Variants in VPS13D observed in about 807,000 individuals in gnomAD.
VPS13D encodes vacuolar protein sorting 13 homolog D, also known as intermembrane lipid transfer protein VPS13D.
VPS13D carries 187 observed loss-of-function variants against 461.9 expected under a neutral mutation model. That is an observed-to-expected ratio of 0.40 (90% confidence interval 0.36 to 0.46). The LOEUF (loss-of-function observed/expected upper bound fraction) is 0.46, where lower values mean the gene tolerates loss of function less well. VPS13D is among the 20% of genes least tolerant of loss of function. VPS13D has a pLI of 0.60. For missense variants in VPS13D, 4,711 were observed against 5,364.9 expected, an observed-to-expected ratio of 0.88 and a Z score of 3.81; for synonymous variants, 1,951 against 1,986.3, an observed-to-expected ratio of 0.98 and a Z score of 0.47.
At chr1:12,389,681 C>T (rs757847735) in intron 60 of VPS13D, among the ~76,000 whole-genome samples, 4 of 152,130 alleles carry the variant, frequency 2.6e-5, no homozygotes, top group African/African-American at 4.8e-5. Flanking sequence ...TGATGATTAC[C>T]CTTTCTACTA....
At chr1:12,376,562 C>T (rs562225878) in intron 55 of VPS13D, among the ~76,000 whole-genome samples, 2 of 152,296 alleles carry the variant, frequency 1.3e-5, no homozygotes, top group African/African-American at 2.4e-5. Flanking sequence ...GATCAGGAAA[C>T]GGAGGCTCTA....
chr1:12,314,219 C>T lies in VPS13D; in HGVS notation c.7040C>T (p.Ala2347Val), dbSNP rs1194116615. 6.2e-7 allele frequency: 1 copy of T among 1,614,154 alleles called. No individual in the cohort carries two copies. The highest frequency in any genetic ancestry group is 1.7e-5 in the Admixed American group (1 of 60,018). ...HSMMAFDTRY[A>V]GQKTSPGMTN... is the part of the protein sequence containing the mutation. ...ATGATGGCTTTTGACACCCGTTATG[C>T]TGGGCAGAAGACCAGCCCTGGCATG... Residue 2347 changes from alanine to valine, a missense_variant, in exon 30 of 70, where the codon GCT becomes GTT. Ala to Val is a moderately conservative substitution (Grantham distance 64). This residue lies in a region of VPS13D where 4,411 missense variants were observed against 4,937.8 expected (regional missense o/e 0.89). Transcript: ENST00000620676.
chr1:12,348,844 C>T lies in VPS13D; in HGVS notation c.9091C>T (p.Arg3031Trp), dbSNP rs563361768. 1.9e-6 allele frequency: 3 copies of T among 1,614,130 alleles called. No individual in the cohort carries two copies. Among genetic ancestry groups the T allele is most frequent in the African/African-American group, 1.3e-5 (1 of 75,020 alleles). The change falls in exon 45 of 70, where the codon CGG (arginine) becomes TGG (tryptophan). Residue 3031 changes from arginine to tryptophan, a missense_variant. Physicochemically the swap from Arg to Trp is moderately radical, Grantham distance 101. Transcript: ENST00000620676. ...QVYFSSLPPV[R>W]VVFAVTMEGS... ...ACAGTTCTCTTCACTCCCACCAGTGCGGGTGGTCTTTGCAGTGACTATGGA... is the reference window on the plus strand; with the variant it reads ...ACAGTTCTCTTCACTCCCACCAGTGTGGGTGGTCTTTGCAGTGACTATGGA...
chr1:12,504,415 G>C (rs1279764188), intron 68 of VPS13D, among the ~76,000 whole-genome samples: 1 of 152,218 alleles, frequency 6.6e-6, no homozygotes, highest in Non-Finnish European at 1.5e-5. Flanking sequence ...GTTATTATCA[G>C]TAGCAGCTTC....
intron 67 of VPS13D, among the ~76,000 whole-genome samples, chr1:12,471,319 G>A (rs540772888): frequency 6.6e-6 from 1 of 152,210 alleles, no homozygotes; most frequent in African/African-American, 2.4e-5. Context: ...AAGAAGAACA[G>A]TGTTTAAAAA....
intron 52 of VPS13D, among the ~76,000 whole-genome samples, chr1:12,364,229 C>T (rs1414732158): frequency 6.6e-6 from 1 of 152,050 alleles, no homozygotes; most frequent in East Asian, 1.9e-4. Flanking sequence ...ATTCCCATTC[C>T]CCTTAGTCCC....
intron 60 of VPS13D, among the ~76,000 whole-genome samples, chr1:12,392,200 T>A (rs1644435830): frequency 6.6e-6 from 1 of 152,100 alleles, no homozygotes; most frequent in South Asian, 2.1e-4. Flanking sequence ...ATGACTATAT[T>A]AAGATCCTTG....
intron 65 of VPS13D, among the ~76,000 whole-genome samples, chr1:12,440,045 T>C (rs1405420337): frequency 6.6e-6 from 1 of 152,268 alleles, no homozygotes; most frequent in Admixed American, 6.5e-5. Context: ...AAGGGAATAC[T>C]GCATTAGAAT....
chr1:12,356,421 G>A lies in VPS13D; in HGVS notation c.9895G>A (p.Asp3299Asn). The change falls in exon 49 of 70, where the codon GAC (aspartate) becomes AAC (asparagine). Residue 3299 changes from aspartate (D) to asparagine (N), a missense_variant. By Grantham distance (23) the Asp-to-Asn change is conservative. Coordinates refer to ENST00000620676, the MANE Select transcript of VPS13D (RefSeq NM_015378.4). The stretch of plus-strand genomic sequence containing the variant: ...AGGGTTGCCACTGATCTTCAGACAG[G>A]ACAATGCCAAGACAGATGCTGCAGG... Reference protein sequence around the residue: ...KTGLPLIFRQDNAKTDAAGQF... With the variant: ...KTGLPLIFRQNNAKTDAAGQF... 1 of 1,613,954 alleles carries A rather than the reference G, an allele frequency of 6.2e-7. No individual in the cohort carries two copies. The highest frequency in any genetic ancestry group is 8.5e-7 in the Non-Finnish European group (1 of 1,179,976).
At chr1:12,402,459 A>G (rs1028142547) in intron 62 of VPS13D, 7 of 152,222 alleles carry the variant, frequency 4.6e-5, no homozygotes, top group African/African-American at 1.7e-4. Flanking sequence ...AGAGGCTTTT[A>G]TGTTTATCTG....
intron 63 of VPS13D, among the ~76,000 whole-genome samples, chr1:12,406,772 GT>G (rs1258311732): frequency 6.6e-6 from 1 of 152,156 alleles, no homozygotes; most frequent in Non-Finnish European, 1.5e-5. Flanking sequence ...GTTTATACGT[GT>G]TTTTGGCTTT....
chr1:12,342,356 A>G (rs1032414241), intron 41 of VPS13D, among the ~76,000 whole-genome samples: 1 of 152,232 alleles, frequency 6.6e-6, no homozygotes, highest in African/African-American at 2.4e-5. Context: ...AGTTTGGAGA[A>G]CAAAGGAGAC....
intron 8 of VPS13D, among the ~76,000 whole-genome samples, 159 bp downstream of exon 8, chr1:12,256,662 A>G (rs1640931688): frequency 6.7e-6 from 1 of 149,766 alleles, no homozygotes; most frequent in African/African-American, 2.5e-5. Context: ...CGTCTGTTAC[A>G]TAGTTAAATT....
At chr1:12,494,029 T>TAAAAG (rs1645923719) in intron 67 of VPS13D, among the ~76,000 whole-genome samples, 1 of 152,180 alleles carries the variant, frequency 6.6e-6, no homozygotes, top group Non-Finnish European at 1.5e-5. Flanking sequence ...TTCATAAGAC[T>TAAAAG]GTAACAGAAG....
In VPS13D at chr1:12,304,669, C is replaced by G. The variant is rs1642513011; in HGVS notation, c.6380C>G (p.Ser2127Cys). 3.1e-6 allele frequency: 5 copies of G among 1,614,024 alleles called. No homozygotes were observed. The highest frequency in any genetic ancestry group is 3.4e-6 in the Non-Finnish European group (4 of 1,180,034). The change falls in exon 26 of 70, where the codon TCC becomes TGC. Residue 2127 changes from serine (S) to cysteine (C), a missense_variant. By Grantham distance (112) the Ser-to-Cys change is moderately radical (BLOSUM62 -1). This residue lies in a region of VPS13D where 4,411 missense variants were observed against 4,937.8 expected (regional missense o/e 0.89). Coordinates refer to ENST00000620676, the MANE Select transcript of VPS13D (RefSeq NM_015378.4). ...AAGAGTGAGTTTGTGCCCAGTACCT[C>G]CACCAAGCAGCAAGGGCCGCAACCC... ...SLKSEFVPST[S>C]TKQQGPQPTL...
chr1:12,363,092 T>G lies in VPS13D; in HGVS notation c.10293T>G (p.Gly3431=), dbSNP rs1207492071. Residue 3431 remains glycine, a synonymous_variant, in exon 52 of 70, where the codon GGT becomes GGG. Transcript: ENST00000620676. ...ARGQGTANPE[G]YISTLPGSSV... ...TTTAGGGAACAGCCAATCCCGAAGG[T>G]TACATTTCCACCCTTCCTGGTTCCA... The G allele has an allele frequency of 6.2e-7, 1 of 1,614,112 alleles. No individual in the cohort carries two copies. The highest frequency in any genetic ancestry group is 1.7e-5 in the Admixed American group (1 of 60,004).
At chr1:12,438,041 G>A (rs933649900) in intron 65 of VPS13D, among the ~76,000 whole-genome samples, 1 of 152,156 alleles carries the variant, frequency 6.6e-6, no homozygotes, top group African/African-American at 2.4e-5. Context: ...ACACCTTGAT[G>A]TGTGTTCCGT....
intron 5 of VPS13D, among the ~76,000 whole-genome samples, chr1:12,244,972 AGGGT>A (rs1360823772): frequency 6.6e-6 from 1 of 152,216 alleles, no homozygotes; most frequent in Non-Finnish European, 1.5e-5. Context: ...GTATGGTTTC[AGGGT>A]AAATCACTTC....
At chr1:12,322,010 C>G (rs767326720) in intron 33 of VPS13D, 46 bp downstream of exon 33, 1 of 1,595,636 alleles carries the variant, frequency 6.3e-7, no homozygotes, top group Non-Finnish European at 8.5e-7. Context: ...CTCTCAAACA[C>G]TGTCCTATGC....
Sources: allele counts gnomAD v4.1 joint callset (sites outside exome capture counted in the v4.1 genomes callset), GRCh38; gene constraint gnomAD v4.1.1; regional missense constraint gnomAD v4.1.1; transcripts MANE v1.5; gene names NCBI Gene and HGNC (gene_info 2026-07-23, HGNC 2026-07-21).